KLHL1: variants seen among roughly 807,000 people sequenced by gnomAD.
KLHL1 encodes kelch-like protein 1.
KLHL1 carries 47 observed loss-of-function variants against 77.7 expected under a neutral mutation model. The ratio of observed to expected loss-of-function variants is 0.60; its 90% CI spans 0.48 to 0.77. KLHL1 has a LOEUF of 0.77. KLHL1 is among the 30% of genes least tolerant of loss of function. The probability of loss-of-function intolerance (pLI) is 0.00; values close to 1 mark genes in which losing one functional copy is unlikely to be tolerated. For missense variants in KLHL1, 925 were observed against 910.8 expected (o/e 1.02, Z -0.20); for synonymous variants, 360 against 325.2 (o/e 1.11, Z -1.15).
chr13:69,872,441 T>C (rs1880619268), intron 5 of KLHL1, among the ~76,000 whole-genome samples: 1 of 152,174 alleles, frequency 6.6e-6, no homozygotes, highest in Non-Finnish European at 1.5e-5. Flanking sequence ...TGGAGTAAAC[T>C]TTCCTCATTA....
At chr13:69,923,953 C>T (rs1282658235) in intron 4 of KLHL1, among the ~76,000 whole-genome samples, 3 of 152,216 alleles carry the variant, frequency 2.0e-5, no homozygotes, top group African/African-American at 7.2e-5. Flanking sequence ...GCTCCTGCTG[C>T]CTGGCCTCTT....
At chr13:69,791,777 C>G (rs141816654) in intron 7 of KLHL1, among the ~76,000 whole-genome samples, 2 of 152,084 alleles carry the variant, frequency 1.3e-5, no homozygotes, top group African/African-American at 4.8e-5. Context: ...ACTCAAAGCA[C>G]GGATCATATT....
chr13:69,902,629 C>G (rs907058667), intron 4 of KLHL1, among the ~76,000 whole-genome samples: 2 of 151,934 alleles, frequency 1.3e-5, no homozygotes, highest in Non-Finnish European at 2.9e-5. Context: ...AGCTGGAAAC[C>G]ATCATTCTCA....
chr13:69,755,888 C>A (rs1874704471), intron 7 of KLHL1, among the ~76,000 whole-genome samples: 1 of 151,428 alleles, frequency 6.6e-6, no homozygotes, highest in East Asian at 1.9e-4. Context: ...TTGCATTCAG[C>A]CTAATCACTT....
intron 6 of KLHL1, among the ~76,000 whole-genome samples, chr13:69,803,504 A>G (rs1157501697): frequency 1.3e-5 from 2 of 152,204 alleles, no homozygotes; most frequent in African/African-American, 4.8e-5. Flanking sequence ...CTGAGATTAC[A>G]TGACCTATTT....
chr13:69,853,685 T>G (rs1369189651), intron 5 of KLHL1, among the ~76,000 whole-genome samples: 1 of 152,074 alleles, frequency 6.6e-6, no homozygotes, highest in Non-Finnish European at 1.5e-5. Context: ...AGTAAGTTTC[T>G]TATCAAGAGA....
At chr13:69,919,950 A>G (rs1449590296) in intron 4 of KLHL1, among the ~76,000 whole-genome samples, 2 of 152,190 alleles carry the variant, frequency 1.3e-5, no homozygotes, top group Non-Finnish European at 2.9e-5. Flanking sequence ...CCACATCAGA[A>G]GCCACTTCTT....
chr13:69,778,793 T>C (rs542987539), intron 7 of KLHL1, among the ~76,000 whole-genome samples: 799 of 49,706 alleles, frequency 0.016, 8 homozygotes, highest in African/African-American at 0.087. Context: ...ATTCCCTCTC[T>C]TTTTTTTTTT....
intron 4 of KLHL1, among the ~76,000 whole-genome samples, chr13:69,913,682 G>A (rs536293015): frequency 6.6e-6 from 1 of 152,342 alleles, no homozygotes; most frequent in East Asian, 1.9e-4. Context: ...GGAGGGAATG[G>A]ATTGCTTGTT....
chr13:69,782,433 G>A (rs910250430), intron 7 of KLHL1, among the ~76,000 whole-genome samples: 4 of 152,320 alleles, frequency 2.6e-5, no homozygotes, highest in Non-Finnish European at 5.9e-5. Flanking sequence ...GGTGACAGAC[G>A]GCACCTGGAA....
chr13:69,748,437 A>C (rs997802445), intron 7 of KLHL1, among the ~76,000 whole-genome samples: 9 of 151,980 alleles, frequency 5.9e-5, no homozygotes, highest in African/African-American at 2.2e-4. Context: ...CCCTGATAAA[A>C]CCATCAGATG....
intron 7 of KLHL1, among the ~76,000 whole-genome samples, chr13:69,795,554 T>A (rs1295689511): frequency 6.6e-6 from 1 of 152,214 alleles, no homozygotes; most frequent in Non-Finnish European, 1.5e-5. Context: ...ATTCAAGAAC[T>A]GTTAGTCTTT....
chr13:69,708,778 AAAC>A (rs368971872), intron 9 of KLHL1, among the ~76,000 whole-genome samples: 24 of 152,116 alleles, frequency 1.6e-4, no homozygotes, highest in African/African-American at 5.5e-4. Context: ...TCAGATACAA[AAAC>A]AAAAAGGGTG....
chr13:69,913,006 A>T (rs10507775), intron 4 of KLHL1, among the ~76,000 whole-genome samples: 4 of 152,044 alleles, frequency 2.6e-5, no homozygotes, highest in African/African-American at 9.7e-5. Context: ...TATTTTTGTC[A>T]TCAACAAGCA....
At chr13:69,756,341 T>TTTTAATA (rs1421292133) in intron 7 of KLHL1, among the ~76,000 whole-genome samples, 1 of 152,168 alleles carries the variant, frequency 6.6e-6, no homozygotes, top group African/African-American at 2.4e-5. Context: ...CTTCTATATA[T>TTTTAATA]TTTAATATTA....
chr13:70,037,973 G>T (rs1010081639), intron 1 of KLHL1, among the ~76,000 whole-genome samples: 2 of 152,028 alleles, frequency 1.3e-5, no homozygotes, highest in African/African-American at 4.8e-5. Flanking sequence ...TCATCTGTGA[G>T]TACAATTTTT....
At position 69,940,249 on chromosome 13, in the gene KLHL1, AAAGAT is replaced by A; in HGVS notation, c.818-18_818-14del. 6.3e-7 allele frequency: 1 copy of A among 1,578,574 alleles called. No individual in the cohort carries two copies. The highest frequency in any genetic ancestry group is 8.6e-7 in the Non-Finnish European group (1 of 1,164,346). ...AATTCCAAGCAGCCTAAACATAAGC[AAAGAT>A]AATTATGAAACTCTTTTAAAAACAT... On this transcript the variant is annotated splice_polypyrimidine_tract_variant and intron_variant, in intron 3 of 10. Transcript: ENST00000377844.
intron 1 of KLHL1, among the ~76,000 whole-genome samples, chr13:70,071,080 A>T (rs1887127565): frequency 6.6e-6 from 1 of 152,066 alleles, no homozygotes; most frequent in Non-Finnish European, 1.5e-5. Flanking sequence ...CACTTTAAAT[A>T]TGAATATTCT....
intron 8 of KLHL1, among the ~76,000 whole-genome samples, chr13:69,735,141 AATC>A (rs1208914260): frequency 4.6e-5 from 7 of 152,070 alleles, no homozygotes; most frequent in South Asian, 2.1e-4. Context: ...ATAAGAAAAC[AATC>A]ATCATCTTGA....
Sources: gnomAD v4.1 joint callset for allele counts (sites outside exome capture counted in the v4.1 genomes callset) on GRCh38, gnomAD v4.1.1 for gene constraint, MANE v1.5 for transcripts, NCBI Gene and HGNC (gene_info 2026-07-23, HGNC 2026-07-21) for gene names.